SGCD: variants seen among roughly 807,000 people sequenced by gnomAD.
The protein encoded by SGCD is delta-sarcoglycan.
Under a neutral mutation model 36.6 loss-of-function variants are expected in SGCD, and 18 were observed. The ratio of observed to expected loss-of-function variants is 0.49; its 90% CI spans 0.34 to 0.73. The LOEUF is 0.73. SGCD is among the 30% of genes least tolerant of loss of function. The probability of loss-of-function intolerance (pLI) is 0.01; values close to 1 mark genes in which losing one functional copy is unlikely to be tolerated. For missense variants in SGCD, 387 were observed against 346.7 expected (o/e 1.12, Z -0.92); for synonymous variants, 133 against 130.6 (o/e 1.02, Z -0.12).
chr5:155,898,794 G>A (rs923453080), intron 1 of SGCD, among the ~76,000 whole-genome samples: 1 of 152,156 alleles, frequency 6.6e-6, no homozygotes, highest in East Asian at 1.9e-4. Context: ...CAGGCAGTTG[G>A]AGTGGCAAGA....
chr5:156,023,474 G>C (rs1205927079), intron 1 of SGCD, among the ~76,000 whole-genome samples: 2 of 152,204 alleles, frequency 1.3e-5, no homozygotes, highest in African/African-American at 4.8e-5. Flanking sequence ...GATTGAGTAG[G>C]TATGTCAGTA....
At chr5:156,316,885 T>C (rs961724059) in intron 3 of SGCD, among the ~76,000 whole-genome samples, 8 of 152,064 alleles carry the variant, frequency 5.3e-5, no homozygotes, top group African/African-American at 1.9e-4. Context: ...TGATTGATAA[T>C]AGAGGCCTGG....
chr5:156,727,370 A>C (rs933397661), intron 7 of SGCD, among the ~76,000 whole-genome samples: 2 of 152,206 alleles, frequency 1.3e-5, no homozygotes, highest in Non-Finnish European at 2.9e-5. Flanking sequence ...TGGGGAAAAG[A>C]GGCATAAGGA....
rs1477844046 is a variant in SGCD at position 156,762,103 on chromosome 5, G to A, written c.*2713G>A. On this transcript the variant is annotated 3_prime_UTR_variant, in exon 9 of 9. Transcript: ENST00000337851. ...GAGAAAAAATTTTACCTGAATTCTT[G>A]GGGGCCGGCGGGGAGCTTTTACATT... is the stretch of plus-strand genomic sequence containing the variant. The A allele has an allele frequency of 1.3e-5, 2 of 152,452 alleles. No homozygotes were observed. The highest frequency in any genetic ancestry group is 4.8e-5 in the African/African-American group (2 of 41,364). The allele number at this position is 152,452 out of a possible 1,614,324, so 9.4% of individuals were successfully genotyped here.
chr5:156,495,523 G>A (rs1402580312), intron 3 of SGCD, among the ~76,000 whole-genome samples: 1 of 152,122 alleles, frequency 6.6e-6, no homozygotes, highest in Non-Finnish European at 1.5e-5. Context: ...AGACAGGAGA[G>A]GTGGCTCCCT....
intron 7 of SGCD, among the ~76,000 whole-genome samples, chr5:156,719,467 G>A (rs11958489): frequency 6.6e-6 from 1 of 152,184 alleles, no homozygotes; most frequent in East Asian, 1.9e-4. Flanking sequence ...CCGTGTCCTA[G>A]CCAAGTTTAC....
chr5:156,050,003 G>A lies in SGCD; in HGVS notation c.-281-67875G>A, dbSNP rs1217899558. Among the ~76,000 whole-genome samples the A allele has an allele frequency of 2.0e-5, 3 of 146,888 alleles. 1 individual carries two copies. The highest frequency in any genetic ancestry group is 3.6e-3 in the Middle Eastern group (1 of 278). Reference sequence around the variant, plus strand: ...ATTTCTTCAGATGGAGTCCACTCCTGGTGAAGATGCTATGAACATTGTTGA... The same window carrying A: ...ATTTCTTCAGATGGAGTCCACTCCTAGTGAAGATGCTATGAACATTGTTGA... On this transcript the variant is annotated intron_variant, in intron 1 of 9. Transcript: ENST00000517913.
At chr5:156,576,883 G>A (rs1267849195) in intron 4 of SGCD, among the ~76,000 whole-genome samples, 2 of 151,984 alleles carry the variant, frequency 1.3e-5, no homozygotes, top group Admixed American at 1.3e-4. Context: ...TCACTCTGAT[G>A]GTACTTTCTT....
chr5:155,857,850 T>C, the SGCD span, among the ~76,000 whole-genome samples: 1 of 152,262 alleles, frequency 6.6e-6, no homozygotes, highest in Non-Finnish European at 1.5e-5. Context: ...ATGGACAGTC[T>C]GTATCTTTAG....
intron 1 of SGCD, among the ~76,000 whole-genome samples, chr5:156,078,520 A>ATAT (rs1491532979): frequency 3.3e-4 from 41 of 125,516 alleles, no homozygotes; most frequent in Middle Eastern, 8.3e-3. Context: ...CAAAAAAAAA[A>ATAT]ATATATATAT....
intron 3 of SGCD, among the ~76,000 whole-genome samples, chr5:156,302,492 C>G (rs1767079366): frequency 6.6e-6 from 1 of 152,062 alleles, no homozygotes; most frequent in South Asian, 2.1e-4. Flanking sequence ...ACATATATCT[C>G]TCACTCCTAG....
chr5:155,844,963 G>T, the SGCD span, among the ~76,000 whole-genome samples: 1 of 152,064 alleles, frequency 6.6e-6, no homozygotes, highest in African/African-American at 2.4e-5. Context: ...ATGCCATGGT[G>T]GTTTGCTGCA....
intron 4 of SGCD, among the ~76,000 whole-genome samples, chr5:156,588,810 C>G (rs945302148): frequency 6.6e-6 from 1 of 152,194 alleles, no homozygotes; most frequent in African/African-American, 2.4e-5. Flanking sequence ...CCTTCCTGCT[C>G]TTCTATAAGG....
intron 1 of SGCD, among the ~76,000 whole-genome samples, chr5:156,090,006 C>G (rs770635763): frequency 1.6e-4 from 24 of 152,270 alleles, no homozygotes; most frequent in Non-Finnish European, 3.1e-4. Flanking sequence ...TAAAATCTGA[C>G]AAATCCAAAT....
chr5:155,761,664 CTCTCCATCATCA>C, the SGCD span, among the ~76,000 whole-genome samples: 2 of 144,910 alleles, frequency 1.4e-5, no homozygotes, highest in Non-Finnish European at 3.0e-5. Flanking sequence ...CATCATCACT[CTCTCCATCATCA>C]TCTCCATCAT....
chr5:155,912,220 C>T (rs116819658), intron 1 of SGCD, among the ~76,000 whole-genome samples: 2,020 of 152,074 alleles, frequency 0.013, 43 homozygotes, highest in African/African-American at 0.045. Context: ...CCCACGTGTG[C>T]TCAAGCAGCT....
chr5:156,146,178 A>G (rs1762707454), intron 3 of SGCD, among the ~76,000 whole-genome samples: 2 of 152,254 alleles, frequency 1.3e-5, no homozygotes, highest in South Asian at 4.1e-4. Context: ...GCGCCATTGC[A>G]CTCCAGCCTG....
At chr5:156,218,408 A>G (rs1016955886) in intron 3 of SGCD, among the ~76,000 whole-genome samples, 10 of 152,174 alleles carry the variant, frequency 6.6e-5, no homozygotes, top group Non-Finnish European at 1.2e-4. Flanking sequence ...GAAAATTGCA[A>G]TAGATTTTTA....
chr5:155,995,114 A>G (rs879554872), intron 1 of SGCD, among the ~76,000 whole-genome samples: 2 of 152,128 alleles, frequency 1.3e-5, no homozygotes, highest in Non-Finnish European at 2.9e-5. Flanking sequence ...AGGCTCTGTC[A>G]CTGTACTTCA....
Sources: allele counts gnomAD v4.1 joint callset (sites outside exome capture counted in the v4.1 genomes callset), GRCh38; gene constraint gnomAD v4.1.1; transcripts MANE v1.5; gene names NCBI Gene and HGNC (gene_info 2026-07-23, HGNC 2026-07-21).